ANXA8: variants seen among roughly 807,000 people sequenced by gnomAD.
The protein encoded by ANXA8 is annexin A8.
Under a neutral mutation model 26.8 loss-of-function variants are expected in ANXA8, and 9 were observed. The observed-to-expected ratio is 0.34, with a 90% CI of 0.20 to 0.59. The LOEUF (loss-of-function observed/expected upper bound fraction) is 0.59. Ranked by LOEUF, ANXA8 falls within the 20% of genes least tolerant of loss-of-function variation. ANXA8 has a pLI of 0.84. For synonymous variants in ANXA8, 39 were observed against 94.8 expected (o/e 0.41, Z 3.42); for missense variants, 83 against 238.5 (o/e 0.35, Z 4.29).
the ANXA8 span, among the ~76,000 whole-genome samples, chr10:47,735,167 AT>A: frequency 2.7e-5 from 4 of 149,926 alleles, no homozygotes; most frequent in South Asian, 8.4e-4. Flanking sequence ...TGGCACAATT[AT>A]GGCTCACTGT....
chr10:47,901,396 A>C, the ANXA8 span, among the ~76,000 whole-genome samples: 2 of 64,482 alleles, frequency 3.1e-5, 1 homozygote, highest in Non-Finnish European at 6.2e-5. Flanking sequence ...GTTAAAAAAA[A>C]CAGATTTTAG....
At chr10:47,940,888 AAG>A in the ANXA8 span, among the ~76,000 whole-genome samples, 2 of 143,124 alleles carry the variant, frequency 1.4e-5, no homozygotes, top group East Asian at 2.2e-4. Context: ...GCTCAATAAA[AAG>A]AGAGAAAGAG....
At chr10:47,493,431 C>T in the ANXA8 span, among the ~76,000 whole-genome samples, 1 of 149,458 alleles carries the variant, frequency 6.7e-6, no homozygotes, top group Non-Finnish European at 1.5e-5. Flanking sequence ...GGGATTCTCC[C>T]TGGACCTGTC....
chr10:47,543,681 A>G, the ANXA8 span: 1 of 789,310 alleles, frequency 1.3e-6, no homozygotes, highest in Non-Finnish European at 1.9e-6. Flanking sequence ...AATAAACTCA[A>G]TCATACAGCA....
At chr10:47,605,810 C>T in the ANXA8 span, among the ~76,000 whole-genome samples, 1 of 145,676 alleles carries the variant, frequency 6.9e-6, no homozygotes, top group Non-Finnish European at 1.5e-5. Flanking sequence ...AGAGGGTCAG[C>T]ACTTATAAAC....
chr10:47,563,759 G>A, the ANXA8 span: 1 of 813,118 alleles, frequency 1.2e-6, no homozygotes, highest in Non-Finnish European at 2.2e-6. Flanking sequence ...CTGTTAAGAT[G>A]CTATAGAAAT....
chr10:47,969,241 T>C, the ANXA8 span, among the ~76,000 whole-genome samples: 2 of 151,510 alleles, frequency 1.3e-5, no homozygotes, highest in African/African-American at 4.8e-5. Context: ...ACAATTTCAG[T>C]ATTAGCATTA....
chr10:47,486,402 G>C (rs1840047645), upstream of ANXA8, among the ~76,000 whole-genome samples: 1 of 140,678 alleles, frequency 7.1e-6, no homozygotes, highest in African/African-American at 2.6e-5. Context: ...AGTTTCTGGT[G>C]AAACAGTTTT....
the ANXA8 span, among the ~76,000 whole-genome samples, chr10:47,772,461 A>G: frequency 1.3e-5 from 2 of 152,264 alleles, no homozygotes; most frequent in Non-Finnish European, 2.9e-5. Flanking sequence ...ACCCACACAC[A>G]GCCATGCTGG....
the ANXA8 span, among the ~76,000 whole-genome samples, chr10:47,539,462 G>C: frequency 7.8e-6 from 1 of 127,650 alleles, no homozygotes; most frequent in South Asian, 2.8e-4. Flanking sequence ...CCAGGACACA[G>C]AGACATACTG....
chr10:47,748,727 G>T, the ANXA8 span, among the ~76,000 whole-genome samples: 1 of 151,774 alleles, frequency 6.6e-6, no homozygotes, highest in Non-Finnish European at 1.5e-5. Context: ...CTGGGCTCAA[G>T]GGTGCTGGGA....
chr10:47,617,926 T>G, the ANXA8 span, among the ~76,000 whole-genome samples: 2 of 106,854 alleles, frequency 1.9e-5, no homozygotes, highest in Non-Finnish European at 4.1e-5. Context: ...CCATAAAACC[T>G]GATCTATTTT....
At chr10:47,663,187 A>T in the ANXA8 span, among the ~76,000 whole-genome samples, 1 of 146,726 alleles carries the variant, frequency 6.8e-6, no homozygotes, top group African/African-American at 2.7e-5. Flanking sequence ...ATCTCAAAAA[A>T]AAGAAAAAAG....
At chr10:47,955,334 T>C in the ANXA8 span, among the ~76,000 whole-genome samples, 6 of 150,348 alleles carry the variant, frequency 4.0e-5, no homozygotes, top group African/African-American at 7.4e-5. Flanking sequence ...AGCTTGAAAA[T>C]GGATTAATAC....
chr10:47,952,163 T>A, the ANXA8 span, among the ~76,000 whole-genome samples: 38 of 151,288 alleles, frequency 2.5e-4, 1 homozygote, highest in Admixed American at 1.1e-3. Context: ...CTACAGGTAT[T>A]ATCAAATTTG....
the ANXA8 span, among the ~76,000 whole-genome samples, chr10:47,644,996 T>C: frequency 6.6e-6 from 1 of 152,004 alleles, no homozygotes; most frequent in East Asian, 1.9e-4. Flanking sequence ...GTCAAATACA[T>C]ACCTCTGACT....
At chr10:47,704,183 G>C in the ANXA8 span, among the ~76,000 whole-genome samples, 1 of 142,586 alleles carries the variant, frequency 7.0e-6, no homozygotes, top group Non-Finnish European at 1.6e-5. Context: ...TTAGTTTCCT[G>C]TTTAAGATAA....
At chr10:47,744,430 G>GA in the ANXA8 span, among the ~76,000 whole-genome samples, 1 of 69,944 alleles carries the variant, frequency 1.4e-5, no homozygotes, top group Non-Finnish European at 3.0e-5. Context: ...GGTTGGGGGG[G>GA]AGGGGGGAAG....
At chr10:47,485,772 C>A (rs1427353025), upstream of ANXA8, among the ~76,000 whole-genome samples, 28,404 of 151,512 alleles carry the variant, frequency 0.19, 3,206 homozygotes, top group East Asian at 0.5. Flanking sequence ...ATCTTGCCCA[C>A]TACTACCCAC....
Sources: gnomAD v4.1 joint callset for allele counts (sites outside exome capture counted in the v4.1 genomes callset) on GRCh38, gnomAD v4.1.1 for gene constraint, MANE v1.5 for transcripts, NCBI Gene and HGNC (gene_info 2026-07-23, HGNC 2026-07-21) for gene names.